Variants in APBB2 observed in about 807,000 individuals in gnomAD.
The protein encoded by APBB2 is Fe65-like 1.
A neutral mutation model predicts 82.5 loss-of-function variants in APBB2; 38 were observed. That is an observed-to-expected ratio of 0.46 (90% CI 0.36 to 0.60). The LOEUF (loss-of-function observed/expected upper bound fraction) is 0.60. Among genes scored for constraint, APBB2 ranks in the 20% least tolerant of loss-of-function variants. The probability of loss-of-function intolerance (pLI) is 0.00; values close to 1 mark genes in which losing one functional copy is unlikely to be tolerated. For missense variants in APBB2, 772 were observed against 972.3 expected, an observed-to-expected ratio of 0.79 and a Z score of 2.74; for synonymous variants, 341 against 368.2, an observed-to-expected ratio of 0.93 and a Z score of 0.85.
chr4:40,934,750 A>G (rs1489847988), intron 8 of APBB2, 51 bp from the exon 9 acceptor site: 6 of 1,277,766 alleles, frequency 4.7e-6, no homozygotes, highest in South Asian at 1.2e-5. Context: ...AAGACCATTC[A>G]TTGCCTCAAA....
chr4:40,855,746 AC>A (rs1406946045), intron 12 of APBB2, among the ~76,000 whole-genome samples: 1 of 149,280 alleles, frequency 6.7e-6, no homozygotes, highest in Non-Finnish European at 1.5e-5. Context: ...AAAAAAAAAA[AC>A]AAAAAAAAGG....
chr4:41,077,286 C>T (rs1294377458), intron 3 of APBB2, among the ~76,000 whole-genome samples: 1 of 149,596 alleles, frequency 6.7e-6, no homozygotes, highest in Admixed American at 6.8e-5. Context: ...GCTGGGATTA[C>T]AGGTGTAAGC....
At chr4:40,898,855 T>TCA (rs777366496) in intron 10 of APBB2, among the ~76,000 whole-genome samples, 4 of 118,168 alleles carry the variant, frequency 3.4e-5, no homozygotes, top group African/African-American at 8.0e-5. Context: ...ACACACACAC[T>TCA]CACACACACA....
At chr4:40,924,988 T>C (rs1307466141) in intron 10 of APBB2, among the ~76,000 whole-genome samples, 1 of 152,200 alleles carries the variant, frequency 6.6e-6, no homozygotes, top group Non-Finnish European at 1.5e-5. Flanking sequence ...TTGAAAAGTA[T>C]GGTGGCGGGG....
chr4:41,184,307 C>T (rs1049663784), intron 1 of APBB2, among the ~76,000 whole-genome samples: 3 of 152,070 alleles, frequency 2.0e-5, no homozygotes, highest in South Asian at 2.1e-4. Flanking sequence ...GTTAAGCCAC[C>T]CAGTTTATAG....
chr4:41,169,772 G>C (rs987862274), intron 1 of APBB2, among the ~76,000 whole-genome samples: 1 of 151,896 alleles, frequency 6.6e-6, no homozygotes, highest in Non-Finnish European at 1.5e-5. Flanking sequence ...CTAAAATGTA[G>C]CTGATTTATT....
At chr4:40,980,354 T>C (rs1798167268) in intron 6 of APBB2, among the ~76,000 whole-genome samples, 1 of 152,194 alleles carries the variant, frequency 6.6e-6, no homozygotes, top group South Asian at 2.1e-4. Context: ...CTTTTCTAGT[T>C]CATGCATTTC....
At chr4:40,900,357 T>C (rs1043563382) in intron 10 of APBB2, among the ~76,000 whole-genome samples, 18 of 152,084 alleles carry the variant, frequency 1.2e-4, no homozygotes, top group Admixed American at 2.0e-4. Context: ...CTTGAGAAGC[T>C]TGTGACAGAG....
intron 3 of APBB2, among the ~76,000 whole-genome samples, chr4:41,072,518 C>T (rs964847614): frequency 1.2e-4 from 18 of 150,492 alleles, no homozygotes; most frequent in Admixed American, 1.1e-3. Context: ...TGTAAGAGAA[C>T]GAAACTTAAA....
chr4:41,116,567 G>A (rs1751050884), intron 2 of APBB2, among the ~76,000 whole-genome samples: 1 of 152,244 alleles, frequency 6.6e-6, no homozygotes, highest in Admixed American at 6.5e-5. Context: ...GGAGGCAGAG[G>A]TTGCAGTGAC....
At chr4:41,205,782 A>T (rs1777787267) in intron 1 of APBB2, among the ~76,000 whole-genome samples, 1 of 152,246 alleles carries the variant, frequency 6.6e-6, no homozygotes, top group Admixed American at 6.5e-5. Flanking sequence ...ACATTCACTG[A>T]TGAAATCTTC....
At chr4:41,165,125 T>A (rs567892371) in intron 1 of APBB2, among the ~76,000 whole-genome samples, 1 of 152,346 alleles carries the variant, frequency 6.6e-6, no homozygotes, top group Admixed American at 6.5e-5. Context: ...CCATTTGAGA[T>A]GTCCGCAAGG....
chr4:40,983,581 C>CT (rs11477584), intron 6 of APBB2, among the ~76,000 whole-genome samples: 3 of 148,150 alleles, frequency 2.0e-5, no homozygotes, highest in Non-Finnish European at 3.0e-5. Flanking sequence ...TTAATTATGA[C>CT]TTTTTTTTTT....
rs537768440 is a variant in APBB2, at chr4:40,917,078, C to A, written c.1254+17378G>T. On this transcript the variant is annotated intron_variant, in intron 10 of 17. Coordinates refer to ENST00000508593, the MANE Select transcript of APBB2 (RefSeq NM_004307.2). The stretch of plus-strand genomic sequence containing the variant: ...GGCAACTCCTGTGCTGTGTTGACTG[C>A]GGCTCATTACTGCCACCTGTGGGAC... Among the ~76,000 whole-genome samples the A allele has an allele frequency of 9.2e-5, 14 of 152,274 alleles. No homozygotes were observed. The East Asian group carries it at 2.3e-3, about 25-fold the overall frequency.
intron 10 of APBB2, among the ~76,000 whole-genome samples, chr4:40,898,080 T>C (rs1276480555): frequency 6.6e-6 from 1 of 152,198 alleles, no homozygotes; most frequent in East Asian, 1.9e-4. Flanking sequence ...TTTGCTACTT[T>C]CTGGCTGGTG....
chr4:41,036,496 C>A (rs62413765), intron 4 of APBB2, among the ~76,000 whole-genome samples: 5,714 of 152,244 alleles, frequency 0.038, 201 homozygotes, highest in African/African-American at 0.097. Flanking sequence ...ATGCTAGGAG[C>A]AGGGGATACT....
intron 11 of APBB2, 94 bp downstream of exon 11, chr4:40,893,171 G>GC: frequency 6.9e-7 from 1 of 1,446,090 alleles, no homozygotes; most frequent in Non-Finnish European, 9.4e-7. Context: ...ACACCTCGGA[G>GC]CCCCTCAGTA....
In APBB2 at chr4:40,970,939, T is replaced by C. The variant is rs142922115; in HGVS notation, c.836-25866A>G. 7.3e-3 allele frequency among the ~76,000 whole-genome samples: 1,113 copies of C among 152,328 alleles called. 11 individuals are homozygous for C. The highest frequency in any genetic ancestry group is 0.025 in the African/African-American group (1,026 of 41,570). ...GACAGTACATATACATTTGCCCCTA[T>C]GTCTTCTAAGAATTCTCCAAGGTCC... On this transcript the variant is annotated intron_variant, in intron 6 of 17. Transcript: ENST00000508593.
intron 7 of APBB2, among the ~76,000 whole-genome samples, chr4:40,941,843 T>C (rs773864648): frequency 1.3e-5 from 2 of 152,006 alleles, no homozygotes; most frequent in Non-Finnish European, 2.9e-5. Flanking sequence ...TGCTATGTTG[T>C]CCAGGCTGCT....
Sources: allele counts gnomAD v4.1 joint callset (sites outside exome capture counted in the v4.1 genomes callset), GRCh38; gene constraint gnomAD v4.1.1; transcripts MANE v1.5; gene names NCBI Gene and HGNC (gene_info 2026-07-23, HGNC 2026-07-21).